The following VWA8 variants were observed in gnomAD, a reference collection of about 807,000 sequenced individuals.
VWA8 encodes von Willebrand factor A domain containing 8.
Under a neutral mutation model 241.5 loss-of-function variants are expected in VWA8, and 221 were observed. The ratio of observed to expected loss-of-function variants is 0.91; its 90% CI spans 0.82 to 1.02. VWA8 has a LOEUF of 1.02. Among genes scored for constraint, VWA8 ranks in the 50% least tolerant of loss-of-function variants. The probability of loss-of-function intolerance (pLI) is 0.00; values close to 1 mark genes in which losing one functional copy is unlikely to be tolerated. For missense variants in VWA8, 2,322 were observed against 2,328.7 expected, an observed-to-expected ratio of 1.00 and a Z score of 0.06; for synonymous variants, 852 against 827.1, an observed-to-expected ratio of 1.03 and a Z score of -0.52.
intron 16 of VWA8, among the ~76,000 whole-genome samples, chr13:41,814,521 T>C (rs950795749): frequency 1.3e-5 from 2 of 152,142 alleles, no homozygotes; most frequent in African/African-American, 4.8e-5. Context: ...AGAGAGTTTG[T>C]AGAAACTGAG....
At chr13:41,849,394 T>C (rs938958919) in intron 12 of VWA8, among the ~76,000 whole-genome samples, 3 of 152,206 alleles carry the variant, frequency 2.0e-5, no homozygotes, top group African/African-American at 7.2e-5. Context: ...CATTATTTTC[T>C]TTTTCAATAT....
At position 41,671,143 on chromosome 13, in the gene VWA8, C is replaced by T. The variant is rs747215747; in HGVS notation, c.4414G>A (p.Glu1472Lys). ...CATGTGGTATACGGCGAGAGAGATTCTGATCTGGAAAAAGGAATCCAAGTG... is the reference window on the plus strand; with the variant it reads ...CATGTGGTATACGGCGAGAGAGATTTTGATCTGGAAAAAGGAATCCAAGTG... Reference protein sequence around the residue: ...KLRYIPIPRSESLSPYTTWLS... With the variant: ...KLRYIPIPRSKSLSPYTTWLS... The change falls in exon 37 of 45, where the codon GAA becomes AAA. Residue 1472 changes from glutamate to lysine, a missense_variant. Transcript: ENST00000379310. 2 of 1,613,588 alleles carry T rather than the reference C, an allele frequency of 1.2e-6. No homozygotes were observed. Among genetic ancestry groups the T allele is most frequent in the East Asian group, 4.5e-5 (2 of 44,878 alleles).
chr13:41,823,643 G>A (rs1871058086), intron 14 of VWA8, among the ~76,000 whole-genome samples: 2 of 152,154 alleles, frequency 1.3e-5, no homozygotes, highest in Non-Finnish European at 2.9e-5. Flanking sequence ...TCTGGTGTAT[G>A]TGGCCATCAC....
intron 12 of VWA8, chr13:41,865,347 T>C: frequency 2.6e-6 from 1 of 385,924 alleles, no homozygotes; most frequent in Non-Finnish European, 5.1e-6. Context: ...ACTAGCTATT[T>C]TAAAATATAC....
Position 41,953,071 on chromosome 13 carries a change from C to A in VWA8, c.164-3058G>T, listed in dbSNP as rs904485992. Among the ~76,000 whole-genome samples the A allele has an allele frequency of 9.9e-5, 15 of 151,982 alleles. No homozygotes were observed. The South Asian group carries it at 1.0e-3, about 10-fold the overall frequency. On this transcript the variant is annotated intron_variant, in intron 1 of 44. Coordinates refer to ENST00000379310, the MANE Select transcript of VWA8 (RefSeq NM_015058.2). Reference sequence around the variant, plus strand: ...AAACATGAAGCAAAAACGGACAGAACTAAAAGTGGAAATAGAAAAATGCAC... The same window carrying A: ...AAACATGAAGCAAAAACGGACAGAAATAAAAGTGGAAATAGAAAAATGCAC...
At chr13:41,725,782 G>C (rs1285591694) in intron 24 of VWA8, among the ~76,000 whole-genome samples, 2 of 152,118 alleles carry the variant, frequency 1.3e-5, no homozygotes, top group Non-Finnish European at 2.9e-5. Flanking sequence ...AACATAAAAA[G>C]AACTCAAACC....
chr13:41,801,626 T>C (rs1008304782), intron 17 of VWA8, among the ~76,000 whole-genome samples: 1 of 152,230 alleles, frequency 6.6e-6, no homozygotes, highest in Non-Finnish European at 1.5e-5. Flanking sequence ...AATTTAATTC[T>C]GTAAGAAAAT....
At chr13:41,725,364 T>C (rs2045424237) in intron 24 of VWA8, among the ~76,000 whole-genome samples, 1 of 151,930 alleles carries the variant, frequency 6.6e-6, no homozygotes, top group African/African-American at 2.4e-5. Context: ...ATAGATGAGA[T>C]AAAAATCCCA....
intron 37 of VWA8, among the ~76,000 whole-genome samples, chr13:41,616,045 G>A (rs552672287): frequency 6.6e-6 from 1 of 152,182 alleles, no homozygotes; most frequent in Non-Finnish European, 1.5e-5. Context: ...TTGACGATTG[G>A]TTCCTGCCCT....
intron 21 of VWA8, among the ~76,000 whole-genome samples, chr13:41,750,652 A>G (rs895503192): frequency 6.6e-6 from 1 of 152,166 alleles, no homozygotes; most frequent in African/African-American, 2.4e-5. Flanking sequence ...AAATAGCAAG[A>G]GAACTAGAAT....
At chr13:41,897,402 T>C (rs1031332506) in intron 4 of VWA8, among the ~76,000 whole-genome samples, 3 of 152,006 alleles carry the variant, frequency 2.0e-5, no homozygotes, top group African/African-American at 7.3e-5. Flanking sequence ...AAAAAAGTAA[T>C]GGATGTTGAT....
chr13:41,620,089 C>T lies in VWA8; in HGVS notation c.4612-5005G>A, dbSNP rs537098186. ...CCTCTAGTAGAATTTGCTGTGAATCCGTCTGGTCCTGGACTTTTTTTGGTT... is the reference window on the plus strand; with the variant it reads ...CCTCTAGTAGAATTTGCTGTGAATCTGTCTGGTCCTGGACTTTTTTTGGTT... On this transcript the variant is annotated intron_variant, in intron 37 of 44. Coordinates refer to ENST00000379310, the MANE Select transcript of VWA8 (RefSeq NM_015058.2). 1.6e-4 allele frequency among the ~76,000 whole-genome samples: 24 copies of T among 152,208 alleles called. No individual in the cohort carries two copies. In the South Asian group the frequency reaches 4.2e-3, roughly 26 times the overall value.
At chr13:41,819,446 T>C in intron 14 of VWA8, 60 bp from the exon 15 acceptor site, 2 of 1,535,506 alleles carry the variant, frequency 1.3e-6, no homozygotes, top group Non-Finnish European at 1.7e-6. Flanking sequence ...AATCAGATCA[T>C]GGTAACTAAA....
chr13:41,711,105 T>A (rs373074938), intron 26 of VWA8, among the ~76,000 whole-genome samples: 5 of 152,262 alleles, frequency 3.3e-5, no homozygotes, highest in Middle Eastern at 3.4e-3. Context: ...TACACACAAA[T>A]GAAAACACAA....
intron 37 of VWA8, among the ~76,000 whole-genome samples, chr13:41,645,283 A>G (rs187556200): frequency 1.9e-3 from 283 of 152,354 alleles, no homozygotes; most frequent in Non-Finnish European, 3.1e-3. Flanking sequence ...TTCATTTTTC[A>G]GTAGAGATAT....
intron 10 of VWA8, among the ~76,000 whole-genome samples, chr13:41,866,413 G>A (rs938313173): frequency 2.0e-5 from 3 of 151,554 alleles, no homozygotes; most frequent in Non-Finnish European, 2.9e-5. Flanking sequence ...GTATATGTGT[G>A]TGTGTGTGTG....
At chr13:41,747,394 G>C (rs1236116580) in intron 21 of VWA8, among the ~76,000 whole-genome samples, 1 of 152,086 alleles carries the variant, frequency 6.6e-6, no homozygotes, top group Admixed American at 6.6e-5. Context: ...ATTTGGCTCT[G>C]TGTTTATCTG....
intron 1 of VWA8, among the ~76,000 whole-genome samples, chr13:41,957,380 G>A (rs531310559): frequency 1.3e-5 from 2 of 152,110 alleles, no homozygotes; most frequent in African/African-American, 4.8e-5. Context: ...CCAGCCATGC[G>A]AAACTATTGA....
chr13:41,763,308 A>AATAAATAAATAAATAG (rs1555332023), intron 20 of VWA8, among the ~76,000 whole-genome samples: 1,493 of 145,828 alleles, frequency 0.01, 10 homozygotes, highest in South Asian at 0.03. Flanking sequence ...TAAATAAATA[A>AATAAATAAATAAATAG]ATAGATAGAT....
Sources: allele counts gnomAD v4.1 joint callset (sites outside exome capture counted in the v4.1 genomes callset), GRCh38; gene constraint gnomAD v4.1.1; transcripts MANE v1.5; gene names NCBI Gene and HGNC (gene_info 2026-07-23, HGNC 2026-07-21).